Variants in OXR1 observed in about 807,000 individuals in gnomAD.
OXR1 encodes oxidation resistance protein 1.
OXR1 carries 41 observed loss-of-function variants against 104.6 expected under a neutral mutation model. The ratio of observed to expected loss-of-function variants is 0.39; its 90% CI spans 0.31 to 0.51. The LOEUF (loss-of-function observed/expected upper bound fraction) is 0.51, where lower values mean the gene tolerates loss of function less well. OXR1 is among the 20% of genes least tolerant of loss of function. The pLI is 0.77. For missense variants in OXR1, 955 were observed against 1,031.9 expected (o/e 0.93, Z 1.02); for synonymous variants, 348 against 348.4 (o/e 1.00, Z 0.01).
chr8:106,704,677 T>C (rs1830970526), intron 8 of OXR1, among the ~76,000 whole-genome samples: 1 of 151,970 alleles, frequency 6.6e-6, no homozygotes, highest in South Asian at 2.1e-4. Flanking sequence ...AGATTATAGG[T>C]GTGAGCCACG....
At chr8:106,529,877 AT>A (rs1277202412) in intron 3 of OXR1, among the ~76,000 whole-genome samples, 1 of 152,234 alleles carries the variant, frequency 6.6e-6, no homozygotes, top group Non-Finnish European at 1.5e-5. Context: ...TACTGGTTTA[AT>A]TTATGGAATA....
chr8:106,584,081 C>G (rs985165609), intron 3 of OXR1, among the ~76,000 whole-genome samples: 1 of 151,410 alleles, frequency 6.6e-6, no homozygotes, highest in African/African-American at 2.4e-5. Context: ...TAGATTGTAT[C>G]CAGGAAACCA....
chr8:106,412,375 A>G (rs1818492022), intron 2 of OXR1, among the ~76,000 whole-genome samples: 1 of 152,128 alleles, frequency 6.6e-6, no homozygotes, highest in Non-Finnish European at 1.5e-5. Flanking sequence ...CATCTCTCAA[A>G]CTGGGCTGTA....
chr8:106,558,813 C>T (rs2130473767), intron 3 of OXR1, among the ~76,000 whole-genome samples: 1 of 152,270 alleles, frequency 6.6e-6, no homozygotes, highest in Middle Eastern at 3.4e-3. Context: ...TATATCTTCA[C>T]AACAAGTATA....
At chr8:106,730,447 G>A (rs1224240408) in intron 11 of OXR1, among the ~76,000 whole-genome samples, 25 of 151,644 alleles carry the variant, frequency 1.6e-4, no homozygotes, top group Admixed American at 1.6e-3. Flanking sequence ...ACTGTTTTGC[G>A]TTTTGCAGAG....
chr8:106,684,251 G>A lies in OXR1; in HGVS notation c.417G>A (p.Leu139=), dbSNP rs750783682. 6.5e-7 allele frequency: 1 copy of A among 1,545,720 alleles called. No homozygotes were observed. Among genetic ancestry groups the A allele is most frequent in the Admixed American group, 1.7e-5 (1 of 59,462 alleles). Residue 139 remains leucine (L), a synonymous_variant, in exon 6 of 17, where the codon CTG becomes CTA. Coordinates refer to ENST00000517566, the MANE Select transcript of OXR1 (RefSeq NM_001198533.2). ...FSRAVVTGQV[L]YVPDPEYVSS... The stretch of plus-strand genomic sequence containing the variant: ...GTGTGAATGTTTTCTTACAGGTTCT[G>A]TATGTTCCTGATCCTGAATATGTCT...
At chr8:106,746,621 C>T (rs1835416926) in intron 16 of OXR1, among the ~76,000 whole-genome samples, 1 of 152,196 alleles carries the variant, frequency 6.6e-6, no homozygotes, top group Admixed American at 6.5e-5. Flanking sequence ...AAAGAATATT[C>T]ATCATCCCAG....
intron 11 of OXR1, chr8:106,726,086 T>G: frequency 8.5e-7 from 1 of 1,180,760 alleles, no homozygotes; most frequent in Non-Finnish European, 1.1e-6. Context: ...ACTTAGTGAT[T>G]AGCTCTCTCT....
chr8:106,742,316 A>T lies in OXR1; in HGVS notation c.2411A>T (p.Glu804Val). ...TFVFTFCPEF[E>V]VFKWTGDNMF... ...GTTTTTACATTCTGTCCGGAGTTTG[A>T]GGTAAGAACCACTATTTCAATATTT... The change falls in exon 15 of 17, where the codon GAG (glutamate) becomes GTG (valine). Residue 804 changes from glutamate to valine, a missense_variant and splice_region_variant. Coordinates refer to ENST00000517566, the MANE Select transcript of OXR1 (RefSeq NM_001198533.2). 6.4e-7 allele frequency: 1 copy of T among 1,566,932 alleles called. No homozygotes were observed. Among genetic ancestry groups the T allele is most frequent in the Non-Finnish European group, 8.8e-7 (1 of 1,138,942 alleles).
intron 7 of OXR1, chr8:106,697,778 T>C: frequency 6.2e-7 from 1 of 1,613,172 alleles, no homozygotes; most frequent in Non-Finnish European, 8.5e-7. Context: ...GCCTGGATCT[T>C]CTTTACTGGG....
intron 1 of OXR1, among the ~76,000 whole-genome samples, chr8:106,346,612 A>G (rs1194335689): frequency 6.6e-6 from 1 of 152,020 alleles, no homozygotes; most frequent in African/African-American, 2.4e-5. Context: ...CATCAGCATG[A>G]ATATCTGAAT....
At chr8:106,278,731 A>G (rs1348047157) in intron 1 of OXR1, among the ~76,000 whole-genome samples, 1 of 152,222 alleles carries the variant, frequency 6.6e-6, no homozygotes, top group African/African-American at 2.4e-5. Context: ...GTTAACAGCC[A>G]TGATAAATGG....
chr8:106,740,828 G>A (rs1287573886), intron 14 of OXR1, among the ~76,000 whole-genome samples: 2 of 152,084 alleles, frequency 1.3e-5, no homozygotes, highest in African/African-American at 4.8e-5. Flanking sequence ...GGTAGAAATT[G>A]ACAGAATCTT....
chr8:106,305,991 T>A (rs1249624818), intron 1 of OXR1, among the ~76,000 whole-genome samples: 2 of 152,116 alleles, frequency 1.3e-5, no homozygotes, highest in African/African-American at 4.8e-5. Flanking sequence ...ATGTTTGAGT[T>A]ATTTCTTATT....
chr8:106,706,121 A>G (rs1436797114), intron 8 of OXR1, among the ~76,000 whole-genome samples: 1 of 152,164 alleles, frequency 6.6e-6, no homozygotes, highest in Non-Finnish European at 1.5e-5. Context: ...TTGCAAGGAA[A>G]TCTTACTTTG....
chr8:106,631,013 A>G (rs1822638459), intron 3 of OXR1, among the ~76,000 whole-genome samples: 1 of 152,220 alleles, frequency 6.6e-6, no homozygotes, highest in South Asian at 2.1e-4. Context: ...ATTGGAAAAG[A>G]AGAAAATATT....
intron 2 of OXR1, among the ~76,000 whole-genome samples, chr8:106,468,590 T>C (rs67340082): frequency 0.14 from 21,636 of 151,618 alleles, 1,941 homozygotes; most frequent in East Asian, 0.42. Flanking sequence ...AGAAAAAATA[T>C]TAGTCAAGGG....
At chr8:106,747,208 C>T (rs1360237485) in intron 16 of OXR1, among the ~76,000 whole-genome samples, 6 of 152,146 alleles carry the variant, frequency 3.9e-5, no homozygotes, top group Non-Finnish European at 5.9e-5. Flanking sequence ...GTATGTGGTA[C>T]CTTGAGCAAA....
intron 11 of OXR1, among the ~76,000 whole-genome samples, chr8:106,718,876 G>A (rs1001929078): frequency 3.3e-5 from 5 of 150,602 alleles, no homozygotes; most frequent in African/African-American, 7.3e-5. Flanking sequence ...AATTAATTGC[G>A]TCAACATGGC....
Sources: allele counts gnomAD v4.1 joint callset (sites outside exome capture counted in the v4.1 genomes callset), GRCh38; gene constraint gnomAD v4.1.1; transcripts MANE v1.5; gene names NCBI Gene and HGNC (gene_info 2026-07-23, HGNC 2026-07-21).